ZBTB46: variants seen among roughly 807,000 people sequenced by gnomAD.
ZBTB46 encodes zinc finger and BTB domain-containing protein 46.
A neutral mutation model predicts 44.1 loss-of-function variants in ZBTB46; 8 were observed. The observed-to-expected ratio is 0.18, with a 90% CI of 0.11 to 0.33. ZBTB46 has a LOEUF of 0.33. ZBTB46 is among the 10% of genes least tolerant of loss of function. The pLI, the probability that ZBTB46 is intolerant of heterozygous loss-of-function variation, is 1.00. For missense variants in ZBTB46, 651 were observed against 847.7 expected (o/e 0.77, Z 2.88); for synonymous variants, 409 against 382.3 (o/e 1.07, Z -0.81).
chr20:63,820,256 G>A (rs545270192), intron 1 of ZBTB46, among the ~76,000 whole-genome samples: 2 of 151,890 alleles, frequency 1.3e-5, no homozygotes, highest in East Asian at 3.9e-4. Context: ...ACCACACCCA[G>A]CTAATTTTGT....
At position 63,789,962 on chromosome 20, in the gene ZBTB46, G is replaced by A. The variant is rs1420579212; in HGVS notation, c.796C>T (p.Pro266Ser). The A allele has an allele frequency of 1.2e-5, 20 of 1,614,154 alleles. No individual in the cohort carries two copies. The South Asian group carries it at 1.9e-4, about 15-fold the overall frequency. ...SEQSAGDAWQ[P>S]TGRRKNRKNK... ...TTCCGATTCTTCCTTCGGCCCGTGG[G>A]CTGCCAGGCATCACCAGCACTCTGC... is the stretch of plus-strand genomic sequence containing the variant. The change falls in exon 2 of 5, where the codon CCC becomes TCC. Residue 266 changes from proline to serine, a missense_variant. Coordinates refer to ENST00000245663, the MANE Select transcript of ZBTB46 (RefSeq NM_001369741.1).
At chr20:63,801,289 A>C (rs1188149291) in intron 1 of ZBTB46, among the ~76,000 whole-genome samples, 1 of 152,154 alleles carries the variant, frequency 6.6e-6, no homozygotes, top group Non-Finnish European at 1.5e-5. Flanking sequence ...AGGTTTGTGA[A>C]TGCACCAATC....
chr20:63,784,218 A>G (rs1004285771), intron 2 of ZBTB46, among the ~76,000 whole-genome samples: 5 of 152,160 alleles, frequency 3.3e-5, no homozygotes, highest in Admixed American at 2.6e-4. Flanking sequence ...CACAAGGGAG[A>G]GAAACCCTGA....
intron 1 of ZBTB46, among the ~76,000 whole-genome samples, chr20:63,815,524 G>C (rs2092745489): frequency 7.2e-6 from 1 of 139,782 alleles, no homozygotes; most frequent in Non-Finnish European, 1.5e-5. Context: ...GCAGGTGCAG[G>C]TGGGCACAGG....
chr20:63,800,917 G>A (rs1195597363), intron 1 of ZBTB46, among the ~76,000 whole-genome samples: 2 of 152,224 alleles, frequency 1.3e-5, no homozygotes, highest in African/African-American at 4.8e-5. Context: ...GAGGAGTGCA[G>A]GTGCACAGAG....
rs1046320314 is a variant in ZBTB46 at position 63,775,412 on chromosome 20, C to T, written c.1222+266G>A. 84 of 401,158 alleles carry T rather than the reference C, an allele frequency of 2.1e-4. 1 individual carries two copies. In the East Asian group the frequency reaches 3.2e-3, roughly 15 times the overall value. The allele number at this position is 401,158 out of a possible 1,614,324, so 24.8% of individuals were successfully genotyped here. ...TTCAGCCAACGACTCCTGTGAGAAA[C>T]ATTCCAGCAAGCACTCGGCTGCTCC... On this transcript the variant is annotated intron_variant, in intron 3 of 4. Coordinates refer to ENST00000245663, the MANE Select transcript of ZBTB46 (RefSeq NM_001369741.1).
chr20:63,754,890 C>T (rs112958476), intron 3 of ZBTB46, among the ~76,000 whole-genome samples: 25 of 151,918 alleles, frequency 1.6e-4, no homozygotes, highest in Admixed American at 5.9e-4. Flanking sequence ...TGAGCCACCG[C>T]GCCTGGCCAA....
At chr20:63,762,727 A>T (rs1254963524) in intron 3 of ZBTB46, among the ~76,000 whole-genome samples, 1 of 152,146 alleles carries the variant, frequency 6.6e-6, no homozygotes, top group African/African-American at 2.4e-5. Context: ...TAGGATTGTT[A>T]TATTTACTAC....
chr20:63,790,977 C>T, intron 1 of ZBTB46, 187 bp from the exon 2 acceptor site: 6 of 761,092 alleles, frequency 7.9e-6, no homozygotes, highest in Non-Finnish European at 8.0e-6. Context: ...GCAGCAAACA[C>T]CGGAGGGCAC....
chr20:63,805,892 C>T (rs975302285), intron 1 of ZBTB46, among the ~76,000 whole-genome samples: 7 of 151,968 alleles, frequency 4.6e-5, no homozygotes, highest in African/African-American at 1.7e-4. Context: ...CGTGCCTCGG[C>T]CTCCCCAGTA....
chr20:63,830,327 G>A (rs2092841876), intron 1 of ZBTB46, among the ~76,000 whole-genome samples: 1 of 152,022 alleles, frequency 6.6e-6, no homozygotes, highest in African/African-American at 2.4e-5. Flanking sequence ...CCGCGAAACT[G>A]ACATGTCTAT....
chr20:63,822,165 G>A (rs887109352), intron 1 of ZBTB46, among the ~76,000 whole-genome samples: 10 of 152,152 alleles, frequency 6.6e-5, no homozygotes, highest in South Asian at 2.1e-4. Context: ...ATACACTCCC[G>A]AAACAGGCAG....
At chr20:63,794,088 A>G (rs1388298357) in intron 1 of ZBTB46, among the ~76,000 whole-genome samples, 1 of 151,622 alleles carries the variant, frequency 6.6e-6, no homozygotes, top group African/African-American at 2.4e-5. Flanking sequence ...CAGGAGGCTG[A>G]GGCAGGAGAA....
chr20:63,782,203 G>A (rs1425078435), intron 2 of ZBTB46, among the ~76,000 whole-genome samples: 5 of 151,862 alleles, frequency 3.3e-5, no homozygotes, highest in East Asian at 1.9e-4. Context: ...TGCAACCCCC[G>A]AGCCGTGGTT....
chr20:63,789,514 C>A (rs1233836142), intron 2 of ZBTB46, among the ~76,000 whole-genome samples: 1 of 152,202 alleles, frequency 6.6e-6, no homozygotes, highest in Non-Finnish European at 1.5e-5. Flanking sequence ...CGGTGTCACC[C>A]ACCCCCCGGC....
rs2092080632 is a variant in ZBTB46 at position 63,745,579 on chromosome 20, AAGG to A, written c.*1348_*1350del. 6.6e-6 allele frequency: 1 copy of A among 152,278 alleles called. No individual in the cohort carries two copies. Among genetic ancestry groups the A allele is most frequent in the Non-Finnish European group, 1.5e-5 (1 of 68,100 alleles). The allele number at this position is 152,278 out of a possible 1,614,324, so 9.4% of individuals were successfully genotyped here. A position where few individuals can be genotyped will look rare whatever the true frequency, so the allele number is the denominator to read the frequency against. The stretch of plus-strand genomic sequence containing the variant: ...CTTCACACGGGCAGGTCCTGGAGGG[AAGG>A]AGGAGGCCACCGCGCCCACCTCCCA... On this transcript the variant is annotated 3_prime_UTR_variant, in exon 5 of 5. Transcript: ENST00000245663.
At chr20:63,777,497 T>C (rs779911655) in intron 2 of ZBTB46, among the ~76,000 whole-genome samples, 6 of 151,992 alleles carry the variant, frequency 3.9e-5, no homozygotes, top group Non-Finnish European at 7.4e-5. Flanking sequence ...TCAGATAATA[T>C]TGGCAAGGAT....
At chr20:63,819,578 C>T (rs2092779576) in intron 1 of ZBTB46, among the ~76,000 whole-genome samples, 2 of 152,302 alleles carry the variant, frequency 1.3e-5, no homozygotes, top group Admixed American at 1.3e-4. Context: ...TAGCAATTTC[C>T]ACACTGAAGA....
At chr20:63,827,767 T>A (rs530096898) in intron 1 of ZBTB46, among the ~76,000 whole-genome samples, 251 of 152,396 alleles carry the variant, frequency 1.6e-3, no homozygotes, top group African/African-American at 5.8e-3. Context: ...TAATTTTAAA[T>A]TGTAAATTAG....
Sources: allele counts gnomAD v4.1 joint callset (sites outside exome capture counted in the v4.1 genomes callset), GRCh38; gene constraint gnomAD v4.1.1; transcripts MANE v1.5; gene names NCBI Gene and HGNC (gene_info 2026-07-23, HGNC 2026-07-21).